TMEM132D: variants seen among roughly 807,000 people sequenced by gnomAD.
TMEM132D encodes the protein mature OL transmembrane protein.
In TMEM132D, 21 loss-of-function variants were observed where a neutral mutation model predicts 62.3. The observed-to-expected ratio is 0.34, with a 90% CI of 0.24 to 0.49. The LOEUF is 0.49. Ranked by LOEUF, TMEM132D falls within the 20% of genes least tolerant of loss-of-function variation. The pLI is 0.99. For synonymous variants in TMEM132D, 621 were observed against 575.6 expected (o/e 1.08, Z -1.13); for missense variants, 1,346 against 1,402.8 (o/e 0.96, Z 0.65).
At chr12:129,269,568 G>C (rs1279181787) in intron 4 of TMEM132D, among the ~76,000 whole-genome samples, 1 of 152,188 alleles carries the variant, frequency 6.6e-6, no homozygotes, top group Non-Finnish European at 1.5e-5. Context: ...TTTGTGAGAT[G>C]TGAGGTACGT....
intron 1 of TMEM132D, among the ~76,000 whole-genome samples, chr12:129,885,824 C>G (rs79603989): frequency 6.6e-6 from 1 of 152,148 alleles, no homozygotes; most frequent in African/African-American, 2.4e-5. Context: ...GCTTGACACC[C>G]ACGACCATCC....
At chr12:129,715,868 C>G (rs764323372) in intron 1 of TMEM132D, among the ~76,000 whole-genome samples, 1 of 152,218 alleles carries the variant, frequency 6.6e-6, no homozygotes, top group South Asian at 2.1e-4. Context: ...TCTCACTGAG[C>G]TCTCTCCTGC....
intron 2 of TMEM132D, among the ~76,000 whole-genome samples, chr12:129,622,096 T>C (rs1879087336): frequency 6.6e-6 from 1 of 152,168 alleles, no homozygotes; most frequent in Non-Finnish European, 1.5e-5. Flanking sequence ...GGGAACTCTC[T>C]CTTCTCAGAG....
At chr12:129,114,385 A>ACTCCTTCCTTCCTTCCCTCCTTCC (rs967002834) in intron 5 of TMEM132D, among the ~76,000 whole-genome samples, 6 of 140,202 alleles carry the variant, frequency 4.3e-5, no homozygotes, top group African/African-American at 1.1e-4. Context: ...ACAGTTGGAA[A>ACTCCTTCCTTCCTTCCCTCCTTCC]CTCCTTCCTT....
At chr12:129,780,299 C>T (rs1288746881) in intron 1 of TMEM132D, among the ~76,000 whole-genome samples, 7 of 148,008 alleles carry the variant, frequency 4.7e-5, no homozygotes, top group Non-Finnish European at 7.5e-5. Flanking sequence ...AAAGAGGACA[C>T]TCAGGGCTTT....
At position 129,805,562 on chromosome 12, in the gene TMEM132D, C is replaced by A. The variant is rs558707705; in HGVS notation, c.79+97699G>T. Among the ~76,000 whole-genome samples the A allele has an allele frequency of 4.6e-3, 699 of 152,116 alleles. 12 individuals are homozygous for A. Among genetic ancestry groups the A allele is most frequent in the African/African-American group, 0.016 (665 of 41,434 alleles). ...CAATTCAAGATGGATTAAAGACTTA[C>A]ATGTTAGACCTAAAACCATAAAAAC... On this transcript the variant is annotated intron_variant, in intron 1 of 8. Transcript: ENST00000422113.
intron 2 of TMEM132D, among the ~76,000 whole-genome samples, chr12:129,653,000 G>A (rs960948345): frequency 3.3e-5 from 5 of 152,208 alleles, no homozygotes; most frequent in Admixed American, 1.3e-4. Context: ...ATCTAGAAAG[G>A]AAGAGAACCT....
Position 129,074,433 on chromosome 12 carries a change from G to C in TMEM132D, c.2742C>G (p.Ser914Arg), listed in dbSNP as rs745894276. 7 of 1,613,916 alleles carry C rather than the reference G, an allele frequency of 4.3e-6. No individual in the cohort carries two copies. Among genetic ancestry groups the C allele is most frequent in the Non-Finnish European group, 5.9e-6 (7 of 1,180,030 alleles). ...NDLMQASKGLSDLEIGMYALL... is the reference protein window; with the variant it reads ...NDLMQASKGLRDLEIGMYALL... ...AAGCATACATCCCAATTTCTAAGTC[G>C]CTCAGCCCTTTGGATGCCTGCATAA... The change falls in exon 9 of 9, where the codon AGC becomes AGG. Residue 914 changes from serine (S) to arginine (R), a missense_variant. By Grantham distance (110) the Ser-to-Arg change is moderately radical. Coordinates refer to ENST00000422113, the MANE Select transcript of TMEM132D (RefSeq NM_133448.3).
intron 5 of TMEM132D, among the ~76,000 whole-genome samples, chr12:129,103,189 G>A (rs2135637527): frequency 6.6e-6 from 1 of 152,310 alleles, no homozygotes. Flanking sequence ...TGGAGGAAGA[G>A]GAGGGATTTG....
intron 2 of TMEM132D, among the ~76,000 whole-genome samples, chr12:129,571,498 G>T (rs1877512831): frequency 6.6e-6 from 1 of 152,112 alleles, no homozygotes. Context: ...CTTGAACCCA[G>T]GAGGCAGAGC....
chr12:129,348,591 A>G (rs1197324771), intron 3 of TMEM132D, among the ~76,000 whole-genome samples: 2 of 152,004 alleles, frequency 1.3e-5, no homozygotes, highest in Non-Finnish European at 2.9e-5. Flanking sequence ...CATGAGGACA[A>G]ATACCTAATA....
chr12:129,548,942 TGAAA>T (rs1412035792), intron 2 of TMEM132D, among the ~76,000 whole-genome samples: 1 of 152,240 alleles, frequency 6.6e-6, no homozygotes, highest in Non-Finnish European at 1.5e-5. Flanking sequence ...GCCAGACATG[TGAAA>T]GAAAGGAGCA....
intron 4 of TMEM132D, among the ~76,000 whole-genome samples, chr12:129,222,877 A>C (rs1879383254): frequency 2.0e-5 from 3 of 151,894 alleles, no homozygotes; most frequent in African/African-American, 7.2e-5. Flanking sequence ...ACATACTTGA[A>C]ATTTGCTGAG....
intron 1 of TMEM132D, among the ~76,000 whole-genome samples, chr12:129,725,432 T>C (rs1355012173): frequency 1.3e-5 from 2 of 152,226 alleles, no homozygotes; most frequent in Non-Finnish European, 2.9e-5. Flanking sequence ...TTTCAGTCAA[T>C]GCTGGTGATG....
intron 4 of TMEM132D, among the ~76,000 whole-genome samples, chr12:129,319,644 T>A (rs1187496782): frequency 1.3e-5 from 2 of 152,202 alleles, no homozygotes; most frequent in Non-Finnish European, 2.9e-5. Flanking sequence ...TTCAGAGCAG[T>A]CCAGTGTTTG....
intron 3 of TMEM132D, among the ~76,000 whole-genome samples, chr12:129,425,289 A>G (rs1256178132): frequency 6.6e-6 from 1 of 152,122 alleles, no homozygotes; most frequent in East Asian, 1.9e-4. Flanking sequence ...GCTGGCCCAT[A>G]TGGGAAATTT....
chr12:129,895,409 G>A (rs561964292), intron 1 of TMEM132D, among the ~76,000 whole-genome samples: 2 of 152,294 alleles, frequency 1.3e-5, no homozygotes, highest in East Asian at 1.9e-4. Context: ...TGAGAGGTTC[G>A]GAGTGACCAC....
At chr12:129,646,928 T>A (rs765603413) in intron 2 of TMEM132D, among the ~76,000 whole-genome samples, 4 of 151,430 alleles carry the variant, frequency 2.6e-5, no homozygotes, top group Non-Finnish European at 4.4e-5. Flanking sequence ...GCCTCCTGAG[T>A]AGTGGGGATT....
At position 129,639,562 on chromosome 12, in the gene TMEM132D, C is replaced by T. The variant is rs148195939; in HGVS notation, c.968+60248G>A. ...TAAGTGTCCCCAGTGGCCCAGAACA[C>T]GGGGAGAACCTTCCACCTGTGGCCA... is the stretch of plus-strand genomic sequence containing the variant. On this transcript the variant is annotated intron_variant, in intron 2 of 8. Coordinates refer to ENST00000422113, the MANE Select transcript of TMEM132D (RefSeq NM_133448.3). Among the ~76,000 whole-genome samples the T allele has an allele frequency of 2.9e-3, 444 of 152,090 alleles. 1 individual carries two copies. The highest frequency in any genetic ancestry group is 0.01 in the Middle Eastern group (3 of 294).
Sources: gnomAD v4.1 joint callset for allele counts (sites outside exome capture counted in the v4.1 genomes callset) on GRCh38, gnomAD v4.1.1 for gene constraint, MANE v1.5 for transcripts, NCBI Gene and HGNC (gene_info 2026-07-23, HGNC 2026-07-21) for gene names.